Variants in THAP9 observed in about 807,000 individuals in gnomAD.
The protein encoded by THAP9 is THAP domain containing 9, also known as DNA transposase THAP9.
In THAP9, 20 loss-of-function variants were observed where a neutral mutation model predicts 35.7. That is an observed-to-expected ratio of 0.56 (90% CI 0.39 to 0.81). THAP9 has a LOEUF of 0.81. Among genes scored for constraint, THAP9 ranks in the 40% least tolerant of loss-of-function variants. The pLI, the probability that THAP9 is intolerant of heterozygous loss-of-function variation, is 0.00. For synonymous variants in THAP9, 335 were observed against 373.7 expected, an observed-to-expected ratio of 0.90 and a Z score of 1.19; for missense variants, 870 against 1,047.4, an observed-to-expected ratio of 0.83 and a Z score of 2.34.
At chr4:82,903,870 G>A (rs936180702) in intron 1 of THAP9, among the ~76,000 whole-genome samples, 2 of 152,192 alleles carry the variant, frequency 1.3e-5, no homozygotes, top group African/African-American at 4.8e-5. Context: ...TTTCTCCACA[G>A]GACTGCTTTA....
intron 4 of THAP9, among the ~76,000 whole-genome samples, chr4:82,908,593 C>T (rs1720747238): frequency 6.6e-6 from 1 of 152,078 alleles, no homozygotes; most frequent in Non-Finnish European, 1.5e-5. Flanking sequence ...TTACAGATTC[C>T]TTTTTTTGTT....
intron 4 of THAP9, among the ~76,000 whole-genome samples, chr4:82,912,786 G>A (rs1161956041): frequency 1.3e-5 from 2 of 152,168 alleles, no homozygotes; most frequent in Non-Finnish European, 2.9e-5. Flanking sequence ...TATACACATT[G>A]TGGTACTGTT....
chr4:82,913,227 G>A (rs531750600), intron 4 of THAP9: 58 of 152,048 alleles, frequency 3.8e-4, no homozygotes, highest in African/African-American at 1.3e-3. Flanking sequence ...ACAAATCCAC[G>A]TACCATTCTG....
intron 4 of THAP9, among the ~76,000 whole-genome samples, chr4:82,914,232 G>A (rs1560697342): frequency 6.6e-6 from 1 of 152,128 alleles, no homozygotes; most frequent in Non-Finnish European, 1.5e-5. Context: ...GTGTGTCATT[G>A]ATGGAGATTT....
chr4:82,906,309 A>T lies in THAP9; in HGVS notation c.277-15A>T. 1 of 1,532,744 alleles carries T rather than the reference A, an allele frequency of 6.5e-7. No individual in the cohort carries two copies. The highest frequency in any genetic ancestry group is 8.8e-7 in the Non-Finnish European group (1 of 1,139,658). 94.9% of individuals were successfully genotyped at this position (1,532,744 alleles called of 1,614,324 possible). A position where few individuals can be genotyped will look rare whatever the true frequency, so the allele number is the denominator to read the frequency against. On this transcript the variant is annotated splice_polypyrimidine_tract_variant and intron_variant, in intron 2 of 4. Transcript: ENST00000302236. Reference sequence around the variant, plus strand: ...TTATTTCTAAAATAACTTTAATTTTATATATCTGTCATAGATTCCTCAAGG... The same window carrying T: ...TTATTTCTAAAATAACTTTAATTTTTTATATCTGTCATAGATTCCTCAAGG...
chr4:82,904,379 A>G (rs947950015), intron 1 of THAP9, among the ~76,000 whole-genome samples: 1 of 152,192 alleles, frequency 6.6e-6, no homozygotes, highest in African/African-American at 2.4e-5. Flanking sequence ...ACTTCTTAAA[A>G]GGAAGAGTAC....
chr4:82,917,327 C>G lies in THAP9; in HGVS notation c.1115C>G (p.Thr372Arg). The change falls in exon 5 of 5, where the codon ACA becomes AGA. Residue 372 changes from threonine (T) to arginine (R), a missense_variant. Thr to Arg is a moderately conservative substitution (Grantham distance 71, BLOSUM62 -1). Coordinates refer to ENST00000302236, the MANE Select transcript of THAP9 (RefSeq NM_024672.6). ...ATAGGAATCACAGTTCTGGCTGTTACATCTGATGCCACAGCACATAGTGTT... is the reference window on the plus strand; with the variant it reads ...ATAGGAATCACAGTTCTGGCTGTTAGATCTGATGCCACAGCACATAGTGTT... ...SDIGITVLAVTSDATAHSVQM... is the reference protein window; with the variant it reads ...SDIGITVLAVRSDATAHSVQM... 1 of 1,613,688 alleles carries G rather than the reference C, an allele frequency of 6.2e-7. No homozygotes were observed. Among genetic ancestry groups the G allele is most frequent in the Non-Finnish European group, 8.5e-7 (1 of 1,179,682 alleles).
rs1222475080 is a variant in THAP9, at chr4:82,917,035, C to T, written c.823C>T (p.Gln275Ter). 1.2e-6 allele frequency: 2 copies of T among 1,608,964 alleles called. No homozygotes were observed. The highest frequency in any genetic ancestry group is 2.2e-5 in the South Asian group (2 of 90,426). The part of the protein sequence containing the change: ...RRVENGDQLY[Q>*]YCSLLIKSMP... The stretch of plus-strand genomic sequence containing the variant: ...AGTAGAGAATGGAGATCAGCTCTAT[C>T]AATACTGTTCATTGTTAATAAAAAG... Residue 275 changes from glutamine (Q) to a stop codon, truncating the protein, a stop_gained, in exon 5 of 5, where the codon CAA (glutamine) becomes TAA (stop). Coordinates refer to ENST00000302236, the MANE Select transcript of THAP9 (RefSeq NM_024672.6). LOFTEE classifies it low-confidence loss of function (END_TRUNC).
At chr4:82,911,301 T>TGG (rs139678550) in intron 4 of THAP9, among the ~76,000 whole-genome samples, 3 of 151,736 alleles carry the variant, frequency 2.0e-5, no homozygotes, top group Non-Finnish European at 4.4e-5. Flanking sequence ...TTTAAAAAGA[T>TGG]GGGGTCTCGG....
intron 4 of THAP9, 96 bp from the exon 5 acceptor site, chr4:82,916,848 A>G: frequency 9.3e-6 from 10 of 1,079,750 alleles, no homozygotes; most frequent in South Asian, 3.1e-5. Flanking sequence ...CTTTATTTCT[A>G]CAGGGATGGG....
At chr4:82,907,528 C>T (rs1054776764) in intron 3 of THAP9, among the ~76,000 whole-genome samples, 18 of 152,136 alleles carry the variant, frequency 1.2e-4, no homozygotes, top group African/African-American at 4.1e-4. Flanking sequence ...AATCTCTCCT[C>T]TCAGGCTGCC....
At chr4:82,914,435 C>T (rs1164819996) in intron 4 of THAP9, among the ~76,000 whole-genome samples, 1 of 152,216 alleles carries the variant, frequency 6.6e-6, no homozygotes, top group African/African-American at 2.4e-5. Flanking sequence ...ACACTCCCAC[C>T]AACAGTGTAT....
In THAP9 at chr4:82,919,551, C is replaced by T. The variant is rs372975569; in HGVS notation, c.*627C>T. 8 of 152,310 alleles carry T rather than the reference C, an allele frequency of 5.3e-5. No individual in the cohort carries two copies. Among genetic ancestry groups the T allele is most frequent in the Admixed American group, 1.3e-4 (2 of 15,292 alleles). The allele number at this position is 152,310 out of a possible 1,614,324, so 9.4% of individuals were successfully genotyped here. A position where few individuals can be genotyped will look rare whatever the true frequency, so the allele number is the denominator to read the frequency against. On this transcript the variant is annotated 3_prime_UTR_variant, in exon 5 of 5. Transcript: ENST00000302236. ...TGTGCTGCAGCCACGCTGGGGAGTG[C>T]AATCTGGAAAGAACATACCTAATGT...
chr4:82,917,102 A>G lies in THAP9; in HGVS notation c.890A>G (p.His297Arg), dbSNP rs1721057385. The stretch of plus-strand genomic sequence containing the variant: ...CAGCTTCAGTGGGATCCTAGCAGTC[A>G]CAGTTTGCAGGGGTTTATGGACTTT... ...KQQLQWDPSS[H>R]SLQGFMDFGL... Residue 297 changes from histidine (H) to arginine (R), a missense_variant, in exon 5 of 5, where the codon CAC becomes CGC. Transcript: ENST00000302236. The G allele has an allele frequency of 6.2e-7, 1 of 1,613,548 alleles. No individual in the cohort carries two copies. The highest frequency in any genetic ancestry group is 1.3e-5 in the African/African-American group (1 of 75,034).
At position 82,917,961 on chromosome 4, in the gene THAP9, C is replaced by CT; in HGVS notation, c.1751dup (p.Leu584PhefsTer27). ...TGGGATTTTTGCTCAATGCTGAGAGCTTAAAATGGCTCTACCAAAATTATG... is the reference window on the plus strand; with the variant it reads ...TGGGATTTTTGCTCAATGCTGAGAGCTTTAAAATGGCTCTACCAAAATTATG... On this transcript the variant is annotated frameshift_variant, in exon 5 of 5. Coordinates refer to ENST00000302236, the MANE Select transcript of THAP9 (RefSeq NM_024672.6). LOFTEE classifies it high-confidence loss of function. 6.2e-7 allele frequency: 1 copy of CT among 1,613,968 alleles called. No homozygotes were observed. The highest frequency in any genetic ancestry group is 1.1e-5 in the South Asian group (1 of 91,076).
intron 1 of THAP9, 74 bp downstream of exon 1, chr4:82,900,956 G>T: frequency 6.4e-7 from 1 of 1,554,004 alleles, no homozygotes; most frequent in South Asian, 1.1e-5. Flanking sequence ...GCGTGGGGCG[G>T]GGCCGGGCCG....
chr4:82,900,902 C>G lies in THAP9; in HGVS notation c.80+20C>G, dbSNP rs1237591148. 3.7e-6 allele frequency: 6 copies of G among 1,612,432 alleles called. No homozygotes were observed. The highest frequency in any genetic ancestry group is 4.5e-5 in the East Asian group (2 of 44,812). The stretch of plus-strand genomic sequence containing the variant: ...CCACCAGTGCGTATGGGAGCAGCCT[C>G]GAAGCCTTCGAACTCCCTGCGGGGC... On this transcript the variant is annotated intron_variant, in intron 1 of 4. Transcript: ENST00000302236.
chr4:82,902,921 A>C (rs759208952), intron 1 of THAP9, among the ~76,000 whole-genome samples: 15 of 152,224 alleles, frequency 9.9e-5, no homozygotes, highest in Admixed American at 6.5e-5. Flanking sequence ...GATGTGTCTA[A>C]TACCATATAG....
intron 1 of THAP9, 89 bp downstream of exon 1, chr4:82,900,971 G>A: frequency 1.4e-6 from 2 of 1,478,496 alleles, no homozygotes; most frequent in African/African-American, 2.8e-5. Context: ...GGGCCGCACT[G>A]TGGGTCGCGC....
Sources: gnomAD v4.1 joint callset for allele counts (sites outside exome capture counted in the v4.1 genomes callset) on GRCh38, gnomAD v4.1.1 for gene constraint, MANE v1.5 for transcripts, NCBI Gene and HGNC (gene_info 2026-07-23, HGNC 2026-07-21) for gene names.